Variants in SREK1 observed in about 807,000 individuals in gnomAD.
SREK1 encodes the protein splicing regulatory glutamine/lysine-rich protein 1.
Under a neutral mutation model 66.5 loss-of-function variants are expected in SREK1, and 13 were observed. The ratio of observed to expected loss-of-function variants is 0.20; its 90% confidence interval spans 0.13 to 0.31. SREK1 has a LOEUF of 0.31. SREK1 is among the 10% of genes least tolerant of loss of function. The pLI is 1.00. For missense variants in SREK1, 607 were observed against 769.6 expected (o/e 0.79, Z 2.50); for synonymous variants, 265 against 263.5 (o/e 1.01, Z -0.05).
chr5:66,157,571 G>A (rs1292765494), intron 2 of SREK1: 2 of 967,832 alleles, frequency 2.1e-6, no homozygotes, highest in African/African-American at 3.5e-5. Context: ...GTGTATATGT[G>A]GGTATATATA....
intron 9 of SREK1, among the ~76,000 whole-genome samples, chr5:66,173,718 G>A (rs564362948): frequency 6.6e-6 from 1 of 152,326 alleles, no homozygotes; most frequent in Admixed American, 6.5e-5. Flanking sequence ...TAAAGGCAGA[G>A]CGATTTTGTG....
chr5:66,147,077 C>G (rs968090284), intron 1 of SREK1, among the ~76,000 whole-genome samples: 4 of 152,046 alleles, frequency 2.6e-5, no homozygotes, highest in Non-Finnish European at 5.9e-5. Flanking sequence ...ACTTAAATGA[C>G]TTAAGTTGCT....
At chr5:66,178,257 G>A (rs987167315) in intron 11 of SREK1, among the ~76,000 whole-genome samples, 4 of 151,902 alleles carry the variant, frequency 2.6e-5, no homozygotes, top group African/African-American at 7.3e-5. Context: ...ACGATGTGCC[G>A]GGCACTGTTT....
chr5:66,159,470 T>A (rs1340998494), intron 3 of SREK1, 136 bp downstream of exon 3: 8 of 689,126 alleles, frequency 1.2e-5, no homozygotes, highest in African/African-American at 1.9e-5. Flanking sequence ...AAATCACTGC[T>A]TAAACTTTTT....
intron 1 of SREK1, among the ~76,000 whole-genome samples, chr5:66,152,979 G>A (rs771171086): frequency 1.2e-4 from 19 of 152,114 alleles, no homozygotes; most frequent in Non-Finnish European, 2.1e-4. Flanking sequence ...TCTGGTGTAT[G>A]CAAAATACCT....
chr5:66,150,330 C>T (rs769009374), intron 1 of SREK1, among the ~76,000 whole-genome samples: 9 of 152,174 alleles, frequency 5.9e-5, no homozygotes, highest in Non-Finnish European at 8.8e-5. Flanking sequence ...TACCAGAAGA[C>T]TTGGAAATTT....
chr5:66,153,494 T>C lies in SREK1; in HGVS notation c.193T>C (p.Cys65Arg). The stretch of plus-strand genomic sequence containing the variant: ...ACCTCTTGCTTTTTCCTCCAAAGTA[T>C]GTTATGTTAAGTTTCGTGATCCATC... ...NAPLAFSSKVCYVKFRDPSSV... is the reference protein window; with the variant it reads ...NAPLAFSSKVRYVKFRDPSSV... The change falls in exon 2 of 12, where the codon TGT becomes CGT. Residue 65 changes from cysteine to arginine, a missense_variant. Physicochemically the swap from Cys to Arg is radical, Grantham distance 180. Transcript: ENST00000334121. 6.2e-7 allele frequency: 1 copy of C among 1,613,876 alleles called. No individual in the cohort carries two copies. Among genetic ancestry groups the C allele is most frequent in the Non-Finnish European group, 8.5e-7 (1 of 1,179,874 alleles).
chr5:66,173,108 C>T (rs1391840624), intron 9 of SREK1, among the ~76,000 whole-genome samples: 1 of 152,076 alleles, frequency 6.6e-6, no homozygotes, highest in Non-Finnish European at 1.5e-5. Context: ...GCTGGAATTA[C>T]AGACGTGAGC....
intron 1 of SREK1, among the ~76,000 whole-genome samples, chr5:66,149,503 G>C (rs27078): frequency 0.32 from 47,933 of 151,926 alleles, 8,838 homozygotes; most frequent in African/African-American, 0.5. Context: ...CATGTCTTCA[G>C]ATGTAGTTGC....
rs11954361 is a variant in SREK1 at position 66,155,226 on chromosome 5, T to C, written c.295+1630T>C. ...GAATAAATGCACAGTCAGATGTACCTTTTTAGTGTTTTTAATATTACAACT... is the reference window on the plus strand; with the variant it reads ...GAATAAATGCACAGTCAGATGTACCCTTTTAGTGTTTTTAATATTACAACT... On this transcript the variant is annotated intron_variant, in intron 2 of 11. Coordinates refer to ENST00000334121, the MANE Select transcript of SREK1 (RefSeq NM_001077199.3). 9.7e-4 allele frequency among the ~76,000 whole-genome samples: 148 copies of C among 152,344 alleles called. 1 individual carries two copies. Among genetic ancestry groups the C allele is most frequent in the Middle Eastern group, 3.4e-3 (1 of 294 alleles).
intron 1 of SREK1, among the ~76,000 whole-genome samples, chr5:66,145,494 T>A (rs1743101964): frequency 6.6e-6 from 1 of 152,124 alleles, no homozygotes; most frequent in African/African-American, 2.4e-5. Flanking sequence ...TTGATTTATT[T>A]CCTAGTGATG....
rs536732169 is a variant in SREK1, at chr5:66,179,042, C to G, written c.*174C>G. The G allele has an allele frequency of 3.5e-6, 2 of 578,290 alleles. No individual in the cohort carries two copies. The highest frequency in any genetic ancestry group is 6.5e-5 in the East Asian group (2 of 30,902). 35.8% of individuals were successfully genotyped at this position (578,290 alleles called of 1,614,324 possible). ...CTTGTTATTGAGTAAGAAAATAAAG[C>G]ATGGACATCATGAAAATAACAGATG... On this transcript the variant is annotated 3_prime_UTR_variant, in exon 12 of 12. Transcript: ENST00000334121.
intron 2 of SREK1, among the ~76,000 whole-genome samples, chr5:66,154,941 G>T (rs1467271198): frequency 6.6e-6 from 1 of 152,092 alleles, no homozygotes; most frequent in African/African-American, 2.4e-5. Flanking sequence ...TGGGAAAAAA[G>T]AAATCAGGTA....
chr5:66,173,988 C>T (rs1243496974), intron 9 of SREK1, among the ~76,000 whole-genome samples: 1 of 152,024 alleles, frequency 6.6e-6, no homozygotes, highest in Non-Finnish European at 1.5e-5. Context: ...ACCGTGTGAG[C>T]ATTTTTTATT....
intron 7 of SREK1, chr5:66,169,137 CAGTT>C (rs893497636): frequency 6.6e-5 from 10 of 151,938 alleles, no homozygotes; most frequent in African/African-American, 2.4e-4. Context: ...ATTTAATAAG[CAGTT>C]AGGATACCTC....
intron 2 of SREK1, chr5:66,157,565 A>C (rs1487649695): frequency 1.0e-6 from 1 of 970,916 alleles, no homozygotes; most frequent in African/African-American, 1.8e-5. Flanking sequence ...AGTATAGTGT[A>C]TATGTGGGTA....
rs1453131773 is a variant in SREK1 at position 66,149,143 on chromosome 5, G to T, written c.162-4320G>T. On this transcript the variant is annotated intron_variant, in intron 1 of 11. Coordinates refer to ENST00000334121, the MANE Select transcript of SREK1 (RefSeq NM_001077199.3). ...CCGAGGCAGGCGGATCACGAGGTCA[G>T]GAGTTCGAGACCTGTCTGGCCAACA... Among the ~76,000 whole-genome samples the T allele has an allele frequency of 2.0e-5, 3 of 152,178 alleles. No individual in the cohort carries two copies. In the East Asian group the frequency reaches 5.8e-4, roughly 29 times the overall value.
intron 11 of SREK1, 25 bp from the exon 12 acceptor site, chr5:66,178,694 T>C (rs759110167): frequency 5.8e-6 from 9 of 1,556,072 alleles, no homozygotes; most frequent in Non-Finnish European, 7.8e-6. Context: ...AAATATTAAA[T>C]GCATACCTTA....
chr5:66,149,816 C>G, intron 1 of SREK1, among the ~76,000 whole-genome samples: 1 of 152,120 alleles, frequency 6.6e-6, no homozygotes, highest in Non-Finnish European at 1.5e-5. Context: ...ACCCAAGGTA[C>G]ATCGAGAAGA....
Sources: gnomAD v4.1 joint callset for allele counts (sites outside exome capture counted in the v4.1 genomes callset) on GRCh38, gnomAD v4.1.1 for gene constraint, MANE v1.5 for transcripts, NCBI Gene and HGNC (gene_info 2026-07-23, HGNC 2026-07-21) for gene names.